Variants in ABCC8 observed in about 807,000 individuals in gnomAD.
The protein encoded by ABCC8 is ATP-binding cassette sub-family C member 8.
ABCC8 carries 137 observed loss-of-function variants against 188.0 expected under a neutral mutation model. The observed-to-expected ratio is 0.73, with a 90% CI of 0.63 to 0.84. The LOEUF (loss-of-function observed/expected upper bound fraction) is 0.84, where lower values mean the gene tolerates loss of function less well. Ranked by LOEUF, ABCC8 falls within the 40% of genes least tolerant of loss-of-function variation. The probability of loss-of-function intolerance (pLI) is 0.00; values close to 1 mark genes in which losing one functional copy is unlikely to be tolerated. For synonymous variants in ABCC8, 797 were observed against 846.5 expected (o/e 0.94, Z 1.01); for missense variants, 1,750 against 2,072.7 (o/e 0.84, Z 3.02).
chr11:17,392,695 A>T (rs1953692307), downstream of ABCC8: 1 of 442,130 alleles, frequency 2.3e-6, no homozygotes, highest in Non-Finnish European at 4.2e-6. Flanking sequence ...GTGAGAAAAA[A>T]GTCTGTTTTA....
At chr11:17,466,973 T>C (rs1848191646) in intron 3 of ABCC8, among the ~76,000 whole-genome samples, 3 of 151,678 alleles carry the variant, frequency 2.0e-5, no homozygotes, top group Admixed American at 2.0e-4. Context: ...GCTGTGAATA[T>C]ACTTAATGCC....
At chr11:17,408,357 G>C in intron 23 of ABCC8, 35 bp downstream of exon 23, 1 of 1,591,368 alleles carries the variant, frequency 6.3e-7, no homozygotes, top group African/African-American at 1.3e-5. Flanking sequence ...TTTGCATCCA[G>C]GGGTGGCTGC....
rs535413192 is a variant in ABCC8, at chr11:17,434,263, C to T, written c.1631-2019G>A. 3.9e-5 allele frequency among the ~76,000 whole-genome samples: 6 copies of T among 152,346 alleles called. 1 individual carries two copies. The South Asian group carries it at 1.2e-3, about 32-fold the overall frequency. ...GCCCCTGCTCCAGGCCAAGACCCCT[C>T]CTTCACATTCTGGGGCTTGACTCCC... On this transcript the variant is annotated intron_variant, in intron 10 of 38. Coordinates refer to ENST00000389817, the MANE Select transcript of ABCC8 (RefSeq NM_000352.6).
At chr11:17,471,195 T>A (rs1848458751) in intron 2 of ABCC8, among the ~76,000 whole-genome samples, 1 of 152,144 alleles carries the variant, frequency 6.6e-6, no homozygotes, top group Non-Finnish European at 1.5e-5. Context: ...GAGAAGCTGA[T>A]GGTATGGAGG....
At chr11:17,407,568 C>T in intron 23 of ABCC8, 115 bp from the exon 24 acceptor site, 1 of 1,540,408 alleles carries the variant, frequency 6.5e-7, no homozygotes, top group East Asian at 2.4e-5. Context: ...TACTTTGTCC[C>T]TGCCTGAGGG....
chr11:17,438,541 G>A (rs528466461), intron 10 of ABCC8, among the ~76,000 whole-genome samples: 4 of 152,282 alleles, frequency 2.6e-5, no homozygotes, highest in African/African-American at 7.2e-5. Context: ...GCAGCATATC[G>A]AGTGCTTGCC....
At chr11:17,412,910 T>C (rs1954885647) in intron 20 of ABCC8, 164 bp from the exon 21 acceptor site, 2 of 1,456,960 alleles carry the variant, frequency 1.4e-6, no homozygotes, top group Non-Finnish European at 1.8e-6. Flanking sequence ...GTTTACTGAA[T>C]TCATTCAGAA....
At chr11:17,448,424 A>C in intron 8 of ABCC8, 92 bp downstream of exon 8, 1 of 1,143,594 alleles carries the variant, frequency 8.7e-7, no homozygotes, top group South Asian at 1.2e-5. Flanking sequence ...ATGGAGTGGA[A>C]GACGGTGTGC....
At chr11:17,449,074 G>A (rs1053815405) in intron 7 of ABCC8, among the ~76,000 whole-genome samples, 3 of 152,110 alleles carry the variant, frequency 2.0e-5, no homozygotes, top group Admixed American at 6.6e-5. Context: ...TTATAGGCAC[G>A]TGCCTACCAT....
In ABCC8 at chr11:17,476,837, C is replaced by T. The variant is rs767078109; in HGVS notation, c.-61G>A. 107 of 1,432,512 alleles carry T rather than the reference C, an allele frequency of 7.5e-5. No homozygotes were observed. The highest frequency in any genetic ancestry group is 7.8e-5 in the Non-Finnish European group (86 of 1,095,632). The allele number at this position is 1,432,512 out of a possible 1,614,324, so 88.7% of individuals were successfully genotyped here. On this transcript the variant is annotated 5_prime_UTR_variant, in exon 1 of 39. Transcript: ENST00000389817. ...GGCTCCGCTGGCTCCGCGCGCCTGC[C>T]GCGCCTCTGTCCCTTGCAGCTCCGC...
chr11:17,458,155 T>C (rs1178976220), intron 6 of ABCC8, among the ~76,000 whole-genome samples: 1 of 152,170 alleles, frequency 6.6e-6, no homozygotes, highest in African/African-American at 2.4e-5. Context: ...ATATTTACTT[T>C]CAACTCTTGT....
In ABCC8 at chr11:17,397,021, C is replaced by T; in HGVS notation, c.4014G>A (p.Trp1338Ter). The change falls in exon 33 of 39, where the codon TGG (tryptophan) becomes TGA (stop). Residue 1338 changes from tryptophan (W) to a stop codon, truncating the protein, a stop_gained. Coordinates refer to ENST00000389817, the MANE Select transcript of ABCC8 (RefSeq NM_000352.6). LOFTEE classifies it high-confidence loss of function. ...GGATCTGGATCTTCCCTTGGTCTGG[C>T]CAGTTCTTTGGGATCAGCGATGGTG... ...LLAPSLIPKNWPDQGKIQIQN... is the reference protein window; with the variant it reads ...LLAPSLIPKN 6.2e-7 allele frequency: 1 copy of T among 1,614,188 alleles called. No individual in the cohort carries two copies.
intron 17 of ABCC8, among the ~76,000 whole-genome samples, chr11:17,416,197 C>T (rs1485848264): frequency 6.6e-6 from 1 of 152,184 alleles, no homozygotes; most frequent in African/African-American, 2.4e-5. Context: ...CTGAGCCAAC[C>T]TTCCCATCCT....
chr11:17,392,749 C>A, downstream of ABCC8: 1 of 570,684 alleles, frequency 1.8e-6, no homozygotes, highest in Non-Finnish European at 3.2e-6. Context: ...GCCTGGCTGA[C>A]TAATAGAGGC....
At chr11:17,417,273 A>G (rs1040888359) in intron 16 of ABCC8, among the ~76,000 whole-genome samples, 1 of 152,230 alleles carries the variant, frequency 6.6e-6, no homozygotes, top group African/African-American at 2.4e-5. Flanking sequence ...AGAGAGGGAA[A>G]GTGAGAGGAC....
chr11:17,436,969 T>C (rs1450486416), intron 10 of ABCC8, among the ~76,000 whole-genome samples: 1 of 151,778 alleles, frequency 6.6e-6, no homozygotes, highest in African/African-American at 2.4e-5. Flanking sequence ...CGCATACCTG[T>C]AATCCTAGCT....
chr11:17,451,277 A>G (rs1956806626), intron 7 of ABCC8, among the ~76,000 whole-genome samples: 1 of 152,156 alleles, frequency 6.6e-6, no homozygotes, highest in Admixed American at 6.5e-5. Flanking sequence ...TTTCTAGAGA[A>G]GTTTTCTGAA....
At chr11:17,454,666 C>T (rs1039048362) in intron 6 of ABCC8, among the ~76,000 whole-genome samples, 8 of 152,120 alleles carry the variant, frequency 5.3e-5, no homozygotes, top group African/African-American at 1.9e-4. Context: ...ACTCTATCCT[C>T]ACAATACCCT....
chr11:17,416,792 T>TA, intron 17 of ABCC8, 138 bp downstream of exon 17: 4 of 1,343,904 alleles, frequency 3.0e-6, no homozygotes, highest in Non-Finnish European at 4.2e-6. Flanking sequence ...ATGCAGGCCT[T>TA]AGCCCCATGT....
Sources: gnomAD v4.1 joint callset for allele counts (sites outside exome capture counted in the v4.1 genomes callset) on GRCh38, gnomAD v4.1.1 for gene constraint, MANE v1.5 for transcripts, NCBI Gene and HGNC (gene_info 2026-07-23, HGNC 2026-07-21) for gene names.